Variants in MLIP observed in about 807,000 individuals in gnomAD.
MLIP encodes the protein muscular LMNA interacting protein.
MLIP carries 79 observed loss-of-function variants against 84.8 expected under a neutral mutation model. The ratio of observed to expected loss-of-function variants is 0.93; its 90% CI spans 0.78 to 1.12. MLIP has a LOEUF of 1.12. MLIP is among the 50% of genes most tolerant of loss of function. The pLI, the probability that MLIP is intolerant of heterozygous loss-of-function variation, is 0.00. For synonymous variants in MLIP, 504 were observed against 463.0 expected, an observed-to-expected ratio of 1.09 and a Z score of -1.14; for missense variants, 1,257 against 1,160.6, an observed-to-expected ratio of 1.08 and a Z score of -1.21.
chr6:54,248,254 T>C (rs1301434025), intron 12 of MLIP, among the ~76,000 whole-genome samples: 1 of 152,178 alleles, frequency 6.6e-6, no homozygotes, highest in African/African-American at 2.4e-5. Flanking sequence ...TAGACTGGTA[T>C]GATATTGAAA....
At chr6:54,098,931 A>C (rs752589631) in intron 1 of MLIP, among the ~76,000 whole-genome samples, 29 of 152,252 alleles carry the variant, frequency 1.9e-4, no homozygotes, top group Admixed American at 1.6e-3. Context: ...CACTGCTATT[A>C]AGTGGGAAAG....
intron 11 of MLIP, among the ~76,000 whole-genome samples, chr6:54,222,042 CT>C (rs1159250348): frequency 1.3e-5 from 2 of 151,836 alleles, no homozygotes; most frequent in Admixed American, 6.6e-5. Flanking sequence ...CTGTGTTTTA[CT>C]TTTTTTATTC....
In MLIP at chr6:54,136,815, A is replaced by G. The variant is rs1200690090; in HGVS notation, c.746A>G (p.Asn249Ser). Residue 249 changes from asparagine to serine, a missense_variant, in exon 4 of 14, where the codon AAC becomes AGC. Physicochemically the swap from Asn to Ser is conservative, Grantham distance 46 (BLOSUM62 1). Transcript: ENST00000502396. ...CCGAACACACCACCCGACCCAGTTAACCTCGAGGGAGCCTCTGTCCTAGAG... is the reference window on the plus strand; with the variant it reads ...CCGAACACACCACCCGACCCAGTTAGCCTCGAGGGAGCCTCTGTCCTAGAG... Reference protein sequence around the residue: ...TNPNTPPDPVNLEGASVLEEF... With the variant: ...TNPNTPPDPVSLEGASVLEEF... The G allele has an allele frequency of 6.5e-7, 1 of 1,529,464 alleles. No homozygotes were observed. The highest frequency in any genetic ancestry group is 8.8e-7 in the Non-Finnish European group (1 of 1,141,796). 94.7% of individuals were successfully genotyped at this position (1,529,464 alleles called of 1,614,324 possible). A position where few individuals can be genotyped will look rare whatever the true frequency, so the allele number is the denominator to read the frequency against.
chr6:54,249,184 A>G (rs73741494), intron 12 of MLIP, among the ~76,000 whole-genome samples: 5,392 of 152,108 alleles, frequency 0.035, 294 homozygotes, highest in African/African-American at 0.12. Flanking sequence ...CATGGAACCA[A>G]TGAATTATCC....
At chr6:54,041,931 A>G (rs762161536) in intron 1 of MLIP, among the ~76,000 whole-genome samples, 1 of 152,068 alleles carries the variant, frequency 6.6e-6, no homozygotes, top group African/African-American at 2.4e-5. Flanking sequence ...ATGTCCTCAT[A>G]TATGTTCACA....
chr6:54,255,763 CT>C (rs1218086915), intron 12 of MLIP, among the ~76,000 whole-genome samples: 1 of 152,074 alleles, frequency 6.6e-6, no homozygotes, highest in Non-Finnish European at 1.5e-5. Flanking sequence ...CAGTTGAATG[CT>C]TTATTGGGAT....
chr6:54,031,728 G>T (rs910911316), intron 1 of MLIP: 1 of 152,184 alleles, frequency 6.6e-6, no homozygotes. Context: ...ATGAGATATG[G>T]TTTTTGTTCA....
chr6:54,088,023 C>T lies in MLIP; in HGVS notation c.64-33424C>T, dbSNP rs9464022. Among the ~76,000 whole-genome samples, 189 of 152,202 alleles carry T rather than the reference C, an allele frequency of 1.2e-3. 2 individuals are homozygous for T. The highest frequency in any genetic ancestry group is 3.8e-3 in the Admixed American group (58 of 15,278). ...AGCTTCCTTTTGGAGTCTTCAGAAA[C>T]GGCCATGGTATCATTTTCAAGTTAG... On this transcript the variant is annotated intron_variant, in intron 1 of 12. Transcript: ENST00000274897.
At chr6:54,253,982 A>T (rs1782813669) in intron 12 of MLIP, among the ~76,000 whole-genome samples, 1 of 149,398 alleles carries the variant, frequency 6.7e-6, no homozygotes, top group Non-Finnish European at 1.5e-5. Flanking sequence ...CTTTTTAGTT[A>T]TTTTTTTCTT....
chr6:54,122,579 C>T (rs1261874655), intron 2 of MLIP, among the ~76,000 whole-genome samples: 4 of 152,178 alleles, frequency 2.6e-5, no homozygotes, highest in Admixed American at 6.5e-5. Context: ...TACAAGAAAA[C>T]ATCTTATCTA....
chr6:54,103,482 G>A (rs184510266), intron 1 of MLIP, among the ~76,000 whole-genome samples: 3 of 152,212 alleles, frequency 2.0e-5, no homozygotes, highest in African/African-American at 7.2e-5. Flanking sequence ...TTTGCCTTGG[G>A]TTACACAGCT....
chr6:54,148,989 T>C (rs1308582315), intron 4 of MLIP, 67 bp from the exon 5 acceptor site: 3 of 1,320,900 alleles, frequency 2.3e-6, no homozygotes, highest in Non-Finnish European at 2.2e-6. Flanking sequence ...GGTAGAACTG[T>C]CTGAAAATTA....
At chr6:54,183,499 A>T (rs992053799) in intron 9 of MLIP, among the ~76,000 whole-genome samples, 4 of 152,016 alleles carry the variant, frequency 2.6e-5, no homozygotes, top group Non-Finnish European at 5.9e-5. Flanking sequence ...CTTATTTCAG[A>T]CAAACTTCTG....
At chr6:54,083,717 C>G in intron 1 of MLIP, 1 of 1,325,556 alleles carries the variant, frequency 7.5e-7, no homozygotes, top group Non-Finnish European at 1.0e-6. Context: ...TTTCTTATTT[C>G]GTATTGCAGT....
intron 1 of MLIP, among the ~76,000 whole-genome samples, chr6:54,081,881 CTTAT>C (rs1450418848): frequency 2.0e-5 from 3 of 152,166 alleles, no homozygotes; most frequent in African/African-American, 4.8e-5. Flanking sequence ...CATTTTTCAG[CTTAT>C]TTGTTTTTAA....
chr6:54,262,099 T>C (rs1783426995), intron 13 of MLIP, among the ~76,000 whole-genome samples: 1 of 152,024 alleles, frequency 6.6e-6, no homozygotes, highest in Non-Finnish European at 1.5e-5. Flanking sequence ...AGGATATTCC[T>C]ATACTCGGAT....
At chr6:54,246,758 G>C (rs113813602) in intron 12 of MLIP, among the ~76,000 whole-genome samples, 1 of 151,884 alleles carries the variant, frequency 6.6e-6, no homozygotes, top group Non-Finnish European at 1.5e-5. Flanking sequence ...CTTAACTTAA[G>C]GTCTGTATTC....
intron 11 of MLIP, among the ~76,000 whole-genome samples, chr6:54,220,742 T>C (rs997092895): frequency 6.6e-6 from 1 of 152,076 alleles, no homozygotes; most frequent in Admixed American, 6.6e-5. Flanking sequence ...CATTTTGGAT[T>C]CTTAAGGGAA....
chr6:54,198,427 G>A (rs768266883), intron 10 of MLIP, among the ~76,000 whole-genome samples: 34 of 152,286 alleles, frequency 2.2e-4, no homozygotes, highest in South Asian at 4.1e-4. Context: ...TTCCAAGAGA[G>A]ACTTATGTGT....
Sources: gnomAD v4.1 joint callset for allele counts (sites outside exome capture counted in the v4.1 genomes callset) on GRCh38, gnomAD v4.1.1 for gene constraint, MANE v1.5 for transcripts, NCBI Gene and HGNC (gene_info 2026-07-23, HGNC 2026-07-21) for gene names.